Variants in WDFY3 observed in about 807,000 individuals in gnomAD.
WDFY3 encodes the protein WD repeat and FYVE domain containing 3, also known as WD repeat and FYVE domain-containing protein 3.
In WDFY3, 66 loss-of-function variants were observed where a neutral mutation model predicts 409.6. The observed-to-expected ratio is 0.16, with a 90% CI of 0.13 to 0.20. The LOEUF (loss-of-function observed/expected upper bound fraction) is 0.20, where lower values mean the gene tolerates loss of function less well. Among genes scored for constraint, WDFY3 ranks in the 10% least tolerant of loss-of-function variants. WDFY3 has a pLI of 1.00. For missense variants in WDFY3, 3,031 were observed against 4,298.1 expected (o/e 0.71, Z 8.24); for synonymous variants, 1,521 against 1,537.1 (o/e 0.99, Z 0.25).
In WDFY3 at chr4:84,726,867, A is replaced by G. The variant is rs369813112; in HGVS notation, c.7266T>C (p.Pro2422=). Residue 2422 remains proline (P), a synonymous_variant, in exon 45 of 68, where the codon CCT becomes CCC. Coordinates refer to ENST00000295888, the MANE Select transcript of WDFY3 (RefSeq NM_014991.6). The part of the protein sequence containing the change: ...SKQPETPDDI[P]QKKPARYRRA... ...ACTGTAATTTGTGTTTTACCTTTTG[A>G]GGAATATCATCGGGTGTCTCAGGCT... 42 of 1,607,400 alleles carry G rather than the reference A, an allele frequency of 2.6e-5. No individual in the cohort carries two copies. In the Admixed American group the frequency reaches 6.6e-4, roughly 25 times the overall value.
chr4:84,859,824 C>T (rs544607834), intron 4 of WDFY3, among the ~76,000 whole-genome samples: 18 of 152,308 alleles, frequency 1.2e-4, no homozygotes, highest in Middle Eastern at 3.4e-3. Flanking sequence ...ATCCACCTGC[C>T]TTGGCTTCCT....
chr4:84,690,744 T>C, intron 60 of WDFY3, 80 bp from the exon 61 acceptor site: 1 of 1,479,046 alleles, frequency 6.8e-7, no homozygotes, highest in Non-Finnish European at 9.0e-7. Context: ...CAGAATTGAG[T>C]GAAGGTGCAG....
intron 5 of WDFY3, chr4:84,849,656 A>G: frequency 3.6e-6 from 1 of 278,484 alleles, no homozygotes; most frequent in Non-Finnish European, 6.6e-6. Context: ...AGGGAAACAG[A>G]GTATTTTAAA....
At position 84,743,732 on chromosome 4, in the gene WDFY3, A is replaced by T; in HGVS notation, c.6041T>A (p.Met2014Lys). ...EFQTYILDSV[M>K]DHLLAADVLL... is the part of the protein sequence containing the mutation. The stretch of plus-strand genomic sequence containing the variant: ...CACATCAGCTGCAAGCAAATGGTCC[A>T]TCACGCTATCCAAAATGTAAGTTTG... Residue 2014 changes from methionine to lysine, a missense_variant, in exon 37 of 68, where the codon ATG becomes AAG. By Grantham distance (95) the Met-to-Lys change is moderately conservative. Transcript: ENST00000295888. The T allele has an allele frequency of 6.3e-7, 1 of 1,595,398 alleles. No homozygotes were observed. The highest frequency in any genetic ancestry group is 8.6e-7 in the Non-Finnish European group (1 of 1,168,510).
At chr4:84,788,392 T>C (rs182308447) in intron 22 of WDFY3, among the ~76,000 whole-genome samples, 5 of 152,304 alleles carry the variant, frequency 3.3e-5, no homozygotes, top group Non-Finnish European at 5.9e-5. Flanking sequence ...ACTGTGACTA[T>C]TGACAGGGAC....
intron 4 of WDFY3, among the ~76,000 whole-genome samples, chr4:84,857,106 C>T (rs2150169190): frequency 6.6e-6 from 1 of 151,928 alleles, no homozygotes; most frequent in East Asian, 1.9e-4. Context: ...TTTACTGAAC[C>T]TTTGTGATAT....
chr4:84,777,993 G>T (rs190787560), intron 27 of WDFY3, among the ~76,000 whole-genome samples: 4 of 152,216 alleles, frequency 2.6e-5, no homozygotes, highest in Admixed American at 2.6e-4. Flanking sequence ...GGTCCCAAGG[G>T]TATGTAGGAC....
At chr4:84,810,432 A>T in intron 13 of WDFY3, 88 bp from the exon 14 acceptor site, 1 of 1,102,900 alleles carries the variant, frequency 9.1e-7, no homozygotes, top group Non-Finnish European at 1.2e-6. Context: ...GAGGTTGTAC[A>T]TTCTGTGAAT....
intron 21 of WDFY3, among the ~76,000 whole-genome samples, chr4:84,793,314 T>G (rs1016313965): frequency 6.6e-6 from 1 of 152,262 alleles, no homozygotes; most frequent in East Asian, 1.9e-4. Context: ...GAGATGTAGG[T>G]TTTATAAAGA....
intron 16 of WDFY3, among the ~76,000 whole-genome samples, chr4:84,802,138 G>C (rs1428239136): frequency 6.6e-6 from 1 of 151,928 alleles, no homozygotes; most frequent in African/African-American, 2.4e-5. Flanking sequence ...AGTAGAGACA[G>C]GGTTTCACCA....
chr4:84,753,129 CTTATT>C (rs1740830281), intron 35 of WDFY3, among the ~76,000 whole-genome samples: 1 of 151,972 alleles, frequency 6.6e-6, no homozygotes, highest in Non-Finnish European at 1.5e-5. Context: ...CATTTTTGGG[CTTATT>C]TTAAAGAACA....
chr4:84,966,260 G>C lies in WDFY3; in HGVS notation c.-277C>G, dbSNP rs1011996208. 7 of 150,320 alleles carry C rather than the reference G, an allele frequency of 4.7e-5. No individual in the cohort carries two copies. 9.3% of individuals were successfully genotyped at this position (150,320 alleles called of 1,614,324 possible). A position where few individuals can be genotyped will look rare whatever the true frequency, so the allele number is the denominator to read the frequency against. ...GGACAGGCCCAGGAGACGGGACCGCGGCGGGCCGGGGCTCCGCGCCGAGGG... is the reference window on the plus strand; with the variant it reads ...GGACAGGCCCAGGAGACGGGACCGCCGCGGGCCGGGGCTCCGCGCCGAGGG... On this transcript the variant is annotated 5_prime_UTR_variant, in exon 1 of 68. Coordinates refer to ENST00000295888, the MANE Select transcript of WDFY3 (RefSeq NM_014991.6).
chr4:84,733,100 G>A (rs988032904), intron 44 of WDFY3, among the ~76,000 whole-genome samples: 13 of 152,162 alleles, frequency 8.5e-5, no homozygotes, highest in Non-Finnish European at 1.3e-4. Flanking sequence ...GAGGTTTAAT[G>A]ACCCATAACC....
intron 47 of WDFY3, among the ~76,000 whole-genome samples, chr4:84,720,485 C>T (rs1338394556): frequency 6.6e-6 from 1 of 152,010 alleles, no homozygotes; most frequent in Non-Finnish European, 1.5e-5. Context: ...AAATGTGATC[C>T]CCATTGTTGG....
intron 1 of WDFY3, among the ~76,000 whole-genome samples, chr4:84,961,734 T>G (rs943584122): frequency 7.2e-5 from 11 of 152,082 alleles, no homozygotes; most frequent in African/African-American, 2.2e-4. Flanking sequence ...GTAAAAAAAT[T>G]TAAAGGAGAT....
intron 38 of WDFY3, among the ~76,000 whole-genome samples, chr4:84,741,323 T>A (rs992620909): frequency 3.9e-5 from 6 of 151,970 alleles, no homozygotes; most frequent in Admixed American, 6.6e-5. Context: ...TCAGTTTTTT[T>A]TTTTTTTTTG....
intron 64 of WDFY3, among the ~76,000 whole-genome samples, chr4:84,680,233 T>G (rs1727125198): frequency 6.6e-6 from 1 of 152,166 alleles, no homozygotes; most frequent in Non-Finnish European, 1.5e-5. Context: ...AAAGGGCCAT[T>G]GCATATAGTG....
rs536297649 is a variant in WDFY3 at position 84,759,742 on chromosome 4, G to A, written c.5189-2581C>T. Among the ~76,000 whole-genome samples the A allele has an allele frequency of 1.9e-4, 29 of 151,246 alleles. No individual in the cohort carries two copies. In the East Asian group the frequency reaches 2.9e-3, roughly 15 times the overall value. On this transcript the variant is annotated intron_variant, in intron 32 of 67. Coordinates refer to ENST00000295888, the MANE Select transcript of WDFY3 (RefSeq NM_014991.6). ...GGTTTTCTAGATATACAATCATGTC[G>A]TCTGCAAACAGGGACAATTTGACTT... is the stretch of plus-strand genomic sequence containing the variant.
chr4:84,732,807 C>T (rs2149167249), intron 44 of WDFY3, among the ~76,000 whole-genome samples: 1 of 152,078 alleles, frequency 6.6e-6, no homozygotes, highest in South Asian at 2.1e-4. Context: ...ATGCTAAGCT[C>T]TATATTAGCA....
Sources: gnomAD v4.1 joint callset for allele counts (sites outside exome capture counted in the v4.1 genomes callset) on GRCh38, gnomAD v4.1.1 for gene constraint, MANE v1.5 for transcripts, NCBI Gene and HGNC (gene_info 2026-07-23, HGNC 2026-07-21) for gene names.